ANKRD18B: variants seen among roughly 807,000 people sequenced by gnomAD.
ANKRD18B encodes ankyrin repeat domain 18B.
ANKRD18B carries 75 observed loss-of-function variants against 111.8 expected under a neutral mutation model. That is an observed-to-expected ratio of 0.67 (90% confidence interval 0.56 to 0.81). The LOEUF (loss-of-function observed/expected upper bound fraction) is 0.81. Ranked by LOEUF, ANKRD18B falls within the 40% of genes least tolerant of loss-of-function variation. The pLI is 0.00. For missense variants in ANKRD18B, 1,038 were observed against 1,225.5 expected (o/e 0.85, Z 2.28); for synonymous variants, 356 against 417.3 (o/e 0.85, Z 1.79).
Position 33,536,943 on chromosome 9 carries a change from A to C in ANKRD18B, c.806A>C (p.Gln269Pro). The change falls in exon 6 of 19, where the codon CAA becomes CCA. Residue 269 changes from glutamine to proline, a missense_variant and splice_region_variant. Around this residue, in one of 4 missense-constraint regions of ANKRD18B, gnomAD observed 93 missense variants for 141.3 expected, o/e 0.66. Transcript: ENST00000684830. ...MLKNHLRNDN[Q>P]EAAAMKNESF... is the part of the protein sequence containing the mutation. ...AAAAATCATCTTCGAAATGACAATC[A>C]AGGTAAGACTTCTGATAGTAAATTT... 6.8e-7 allele frequency: 1 copy of C among 1,479,586 alleles called. No homozygotes were observed. The highest frequency in any genetic ancestry group is 9.0e-7 in the Non-Finnish European group (1 of 1,109,438). The allele number at this position is 1,479,586 out of a possible 1,614,324, so 91.7% of individuals were successfully genotyped here. A position where few individuals can be genotyped will look rare whatever the true frequency, so the allele number is the denominator to read the frequency against.
chr9:33,525,868 A>G (rs1456932967), intron 1 of ANKRD18B, among the ~76,000 whole-genome samples: 1 of 150,652 alleles, frequency 6.6e-6, no homozygotes, highest in Non-Finnish European at 1.5e-5. Context: ...AATTGTATAT[A>G]TTAGTAACAT....
intron 12 of ANKRD18B, among the ~76,000 whole-genome samples, chr9:33,553,923 C>A (rs1252327289): frequency 6.6e-6 from 1 of 151,380 alleles, no homozygotes; most frequent in Non-Finnish European, 1.5e-5. Flanking sequence ...ACTAAAAATA[C>A]AAAAATTAGC....
chr9:33,543,488 A>G (rs1437444032), intron 10 of ANKRD18B, among the ~76,000 whole-genome samples: 1 of 152,216 alleles, frequency 6.6e-6, no homozygotes, highest in African/African-American at 2.4e-5. Context: ...AAATTTCCAG[A>G]ACTCTCTTTG....
At chr9:33,559,139 T>C (rs1279930003) in intron 14 of ANKRD18B, among the ~76,000 whole-genome samples, 2 of 152,200 alleles carry the variant, frequency 1.3e-5, no homozygotes, top group Non-Finnish European at 2.9e-5. Context: ...ATTATGTAGA[T>C]GAAGCCTCCT....
intron 14 of ANKRD18B, 93 bp from the exon 15 acceptor site, chr9:33,566,126 G>A: frequency 1.8e-6 from 2 of 1,090,372 alleles, no homozygotes; most frequent in Non-Finnish European, 2.7e-6. Flanking sequence ...ACATTTTATT[G>A]CAAGTGGATG....
intron 1 of ANKRD18B, 84 bp downstream of exon 1, chr9:33,524,779 C>T: frequency 6.9e-7 from 1 of 1,457,374 alleles, no homozygotes; most frequent in Non-Finnish European, 9.1e-7. Flanking sequence ...TCGGAGTTCG[C>T]CGGGACCCTG....
rs1427468586 is a variant in ANKRD18B, at chr9:33,537,004, G to T, written c.808+59G>T. 6 of 1,329,402 alleles carry T rather than the reference G, an allele frequency of 4.5e-6. No individual in the cohort carries two copies. In the African/African-American group the frequency reaches 7.6e-5, roughly 17 times the overall value. 82.4% of individuals were successfully genotyped at this position (1,329,402 alleles called of 1,614,324 possible). ...TTGGTGATCTTACTGATTTTAAAAA[G>T]CAAAATTACAGGCCAGGCATGGTGG... is the stretch of plus-strand genomic sequence containing the variant. On this transcript the variant is annotated intron_variant, in intron 6 of 18. Coordinates refer to ENST00000684830, the MANE Select transcript of ANKRD18B (RefSeq NM_001393611.1).
downstream of ANKRD18B, among the ~76,000 whole-genome samples, chr9:33,575,035 TTC>T (rs1563911669): frequency 6.6e-6 from 1 of 152,184 alleles, no homozygotes; most frequent in Non-Finnish European, 1.5e-5. Context: ...ACCTGCTCTC[TTC>T]TCTTCCTCCT....
chr9:33,554,260 C>G (rs999906530), intron 12 of ANKRD18B, among the ~76,000 whole-genome samples: 1 of 151,992 alleles, frequency 6.6e-6, no homozygotes, highest in Admixed American at 6.6e-5. Context: ...GACAGCCCCC[C>G]TTCAAGATTA....
chr9:33,565,867 A>G (rs1828676884), intron 14 of ANKRD18B, among the ~76,000 whole-genome samples: 1 of 152,114 alleles, frequency 6.6e-6, no homozygotes, highest in Admixed American at 6.6e-5. Context: ...AGGTTTTTTG[A>G]CAAATTTTGG....
chr9:33,530,615 G>A (rs965901823), intron 3 of ANKRD18B, among the ~76,000 whole-genome samples: 42 of 150,064 alleles, frequency 2.8e-4, no homozygotes, highest in Non-Finnish European at 5.3e-4. Flanking sequence ...ATAAATTCCC[G>A]TATCTCAAAG....
chr9:33,528,758 C>A lies in ANKRD18B; in HGVS notation c.238C>A (p.Arg80Ser). Residue 80 changes from arginine to serine, a missense_variant, in exon 2 of 19, where the codon CGT becomes AGT. By Grantham distance (110) the Arg-to-Ser change is moderately radical. Around this residue, in one of 4 missense-constraint regions of ANKRD18B, gnomAD observed 216 missense variants for 205.1 expected, o/e 1.05. Transcript: ENST00000684830. ...TCTACATTTGGCCTGTGCCCATGGC[C>A]GTGTGCAAGTGGTCACTCTCTTGCT... ...TVLHLACAHG[R>S]VQVVTLLLDR... The A allele has an allele frequency of 6.2e-7, 1 of 1,613,156 alleles. No individual in the cohort carries two copies. Among genetic ancestry groups the A allele is most frequent in the Non-Finnish European group, 8.5e-7 (1 of 1,179,630 alleles).
downstream of ANKRD18B, chr9:33,573,117 A>T: frequency 8.1e-7 from 1 of 1,230,536 alleles, no homozygotes; most frequent in Admixed American, 3.9e-5. Context: ...GCACTTTTTT[A>T]CTTTCTGGCA....
intron 12 of ANKRD18B, among the ~76,000 whole-genome samples, chr9:33,551,730 G>A (rs1024910958): frequency 1.3e-5 from 2 of 151,988 alleles, no homozygotes; most frequent in Admixed American, 1.3e-4. Context: ...ACAGGTTATT[G>A]TATGGACATA....
In ANKRD18B at chr9:33,535,555, G is replaced by A. The variant is rs370927235; in HGVS notation, c.740+1048G>A. Among the ~76,000 whole-genome samples the A allele has an allele frequency of 3.3e-3, 504 of 151,398 alleles. 3 individuals carry two copies. Among genetic ancestry groups the A allele is most frequent in the African/African-American group, 0.011 (474 of 41,258 alleles). The stretch of plus-strand genomic sequence containing the variant: ...ACCTGCCTCGGCCTCCTAAAGTGCT[G>A]TGATTACAGGCATGAGCCACCACAC... On this transcript the variant is annotated intron_variant, in intron 5 of 18. Transcript: ENST00000684830.
chr9:33,534,423 T>G lies in ANKRD18B; in HGVS notation c.656T>G (p.Leu219Arg). The G allele has an allele frequency of 6.4e-7, 1 of 1,551,098 alleles. No homozygotes were observed. Residue 219 changes from leucine (L) to arginine (R), a missense_variant, in exon 5 of 19, where the codon CTG (leucine) becomes CGG (arginine). By Grantham distance (102) the Leu-to-Arg change is moderately radical. Transcript: ENST00000684830. ...AACTTGTCAAGTATCGTCACCCTCC[T>G]GCTTCAACAAAATATACATATCTCT... ...QHNLSSIVTL[L>R]LQQNIHISSQ...
chr9:33,531,575 C>T (rs1828117771), intron 3 of ANKRD18B, among the ~76,000 whole-genome samples: 2 of 150,582 alleles, frequency 1.3e-5, no homozygotes, highest in African/African-American at 2.5e-5. Context: ...GTAGGAGGCA[C>T]ATATTCTCCA....
At chr9:33,547,161 G>C (rs766509676) in intron 10 of ANKRD18B, among the ~76,000 whole-genome samples, 1 of 152,162 alleles carries the variant, frequency 6.6e-6, no homozygotes, top group Non-Finnish European at 1.5e-5. Flanking sequence ...AAAGGCAGAA[G>C]ACACATTTTA....
intron 5 of ANKRD18B, among the ~76,000 whole-genome samples, chr9:33,534,825 CTTTTTTT>C (rs374951470): frequency 1.6e-5 from 2 of 123,276 alleles, no homozygotes; most frequent in South Asian, 5.2e-4. Flanking sequence ...TTCTTTCTTC[CTTTTTTT>C]TTTTTTTTTT....
Sources: allele counts gnomAD v4.1 joint callset (sites outside exome capture counted in the v4.1 genomes callset), GRCh38; gene constraint gnomAD v4.1.1; regional missense constraint gnomAD v4.1.1; transcripts MANE v1.5; gene names NCBI Gene and HGNC (gene_info 2026-07-23, HGNC 2026-07-21).